Variants in FCHSD2 observed in about 807,000 individuals in gnomAD.
FCHSD2 encodes the protein FCH and double SH3 domains 2.
In FCHSD2, 38 loss-of-function variants were observed where a neutral mutation model predicts 108.1. The ratio of observed to expected loss-of-function variants is 0.35; its 90% CI spans 0.27 to 0.46. The LOEUF (loss-of-function observed/expected upper bound fraction) is 0.46. Among genes scored for constraint, FCHSD2 ranks in the 20% least tolerant of loss-of-function variants. FCHSD2 has a pLI of 1.00. For missense variants in FCHSD2, 751 were observed against 897.8 expected, an observed-to-expected ratio of 0.84 and a Z score of 2.09; for synonymous variants, 279 against 314.7, an observed-to-expected ratio of 0.89 and a Z score of 1.20.
intron 3 of FCHSD2, among the ~76,000 whole-genome samples, chr11:73,056,851 G>A (rs1390097736): frequency 6.6e-6 from 1 of 152,182 alleles, no homozygotes; most frequent in Non-Finnish European, 1.5e-5. Flanking sequence ...GGGAGGCCAA[G>A]GTGGGTGGAT....
intron 1 of FCHSD2, among the ~76,000 whole-genome samples, 170 bp from the exon 2 acceptor site, chr11:73,140,298 A>T (rs1861216783): frequency 6.6e-6 from 1 of 152,202 alleles, no homozygotes; most frequent in Non-Finnish European, 1.5e-5. Context: ...ATTTAATGAA[A>T]AATTAAAGCC....
chr11:72,899,809 T>C (rs1425174898), intron 10 of FCHSD2, among the ~76,000 whole-genome samples: 1 of 150,748 alleles, frequency 6.6e-6, no homozygotes, highest in Non-Finnish European at 1.5e-5. Flanking sequence ...ATCATAGGCA[T>C]TTATCTTTTT....
intron 2 of FCHSD2, among the ~76,000 whole-genome samples, chr11:73,089,602 T>A (rs566123665): frequency 1.3e-5 from 2 of 152,258 alleles, no homozygotes; most frequent in Non-Finnish European, 2.9e-5. Context: ...TATTCAGCCA[T>A]AAGAAAGAAT....
intron 4 of FCHSD2, 55 bp downstream of exon 4, chr11:73,015,754 C>A: frequency 9.3e-7 from 1 of 1,078,560 alleles, no homozygotes; most frequent in Non-Finnish European, 1.4e-6. Flanking sequence ...CTATATGTAA[C>A]ATAGCTTTAA....
chr11:73,025,080 T>A (rs757048565), intron 3 of FCHSD2, among the ~76,000 whole-genome samples: 1 of 152,150 alleles, frequency 6.6e-6, no homozygotes, highest in Admixed American at 6.5e-5. Context: ...AAGACTGTCA[T>A]GATTCCTCAA....
chr11:72,989,672 G>A lies in FCHSD2; in HGVS notation c.388-575C>T, dbSNP rs539491704. 3.0e-4 allele frequency among the ~76,000 whole-genome samples: 45 copies of A among 152,202 alleles called. 1 individual carries two copies. In the South Asian group the frequency reaches 5.8e-3, roughly 20 times the overall value. On this transcript the variant is annotated intron_variant, in intron 5 of 19. Coordinates refer to ENST00000409418, the MANE Select transcript of FCHSD2 (RefSeq NM_014824.3). ...ACTCCGTGGATACACATATACATTC[G>A]AGGAGAAGGGATGGACATAACAACT...
intron 3 of FCHSD2, among the ~76,000 whole-genome samples, chr11:73,017,216 C>G (rs1216071322): frequency 6.6e-6 from 1 of 152,118 alleles, no homozygotes; most frequent in Non-Finnish European, 1.5e-5. Context: ...TGGGCTCAAG[C>G]AAGCCACCTC....
intron 10 of FCHSD2, among the ~76,000 whole-genome samples, chr11:72,896,438 A>C (rs982434204): frequency 1.3e-5 from 2 of 152,170 alleles, no homozygotes; most frequent in African/African-American, 2.4e-5. Flanking sequence ...AATGCCCCTA[A>C]TGGCACTCAT....
intron 14 of FCHSD2, 115 bp from the exon 15 acceptor site, chr11:72,843,647 T>C: frequency 1.4e-6 from 1 of 712,058 alleles, no homozygotes; most frequent in Non-Finnish European, 2.4e-6. Flanking sequence ...AGAAACATGT[T>C]GAACATAAAA....
chr11:72,958,166 G>A (rs1304435702), intron 8 of FCHSD2, among the ~76,000 whole-genome samples: 1 of 152,160 alleles, frequency 6.6e-6, no homozygotes, highest in Non-Finnish European at 1.5e-5. Flanking sequence ...GGGGAAAGAT[G>A]GCTTGCTTTA....
rs114465769 is a variant in FCHSD2 at position 72,942,167 on chromosome 11, G to A, written c.706-20217C>T. On this transcript the variant is annotated intron_variant, in intron 8 of 19. Coordinates refer to ENST00000409418, the MANE Select transcript of FCHSD2 (RefSeq NM_014824.3). The stretch of plus-strand genomic sequence containing the variant: ...CTGCTGTCCTCACAGTAATGAGAGC[G>A]TTCTCACTCTATAAGTTCACACTAG... Among the ~76,000 whole-genome samples the A allele has an allele frequency of 9.2e-3, 1,405 of 152,270 alleles. 22 individuals carry two copies. Among genetic ancestry groups the A allele is most frequent in the African/African-American group, 0.031 (1,273 of 41,546 alleles).
At chr11:72,933,075 C>T (rs150761733) in intron 8 of FCHSD2, among the ~76,000 whole-genome samples, 1 of 152,064 alleles carries the variant, frequency 6.6e-6, no homozygotes, top group East Asian at 1.9e-4. Flanking sequence ...ATATATATAA[C>T]CTTGCATGCC....
At chr11:73,028,457 C>T (rs570142990) in intron 3 of FCHSD2, among the ~76,000 whole-genome samples, 34 of 152,344 alleles carry the variant, frequency 2.2e-4, no homozygotes, top group Admixed American at 5.9e-4. Flanking sequence ...CCTGTACCCC[C>T]ATTGTATCTT....
chr11:72,993,572 T>C (rs1449180031), intron 5 of FCHSD2, among the ~76,000 whole-genome samples: 2 of 152,290 alleles, frequency 1.3e-5, no homozygotes, highest in East Asian at 1.9e-4. Context: ...TGGAATACTA[T>C]GCAGCCATAA....
intron 2 of FCHSD2, among the ~76,000 whole-genome samples, chr11:73,110,424 G>T (rs1158060789): frequency 6.6e-6 from 1 of 152,070 alleles, no homozygotes. Context: ...TTGATAAGTT[G>T]TATGTGTCTA....
At chr11:72,970,565 G>C (rs1039741574) in intron 8 of FCHSD2, among the ~76,000 whole-genome samples, 11 of 151,942 alleles carry the variant, frequency 7.2e-5, no homozygotes, top group African/African-American at 2.2e-4. Context: ...ACTATTGCTA[G>C]CACTCTCATG....
At chr11:72,913,835 C>CAAAAAAAAAAAA (rs71458287) in intron 9 of FCHSD2, among the ~76,000 whole-genome samples, 1 of 145,706 alleles carries the variant, frequency 6.9e-6, no homozygotes, top group Non-Finnish European at 1.5e-5. Context: ...AAAAAAAAAA[C>CAAAAAAAAAAAA]AAAAAAAAAA....
chr11:72,993,968 C>T (rs1275417444), intron 5 of FCHSD2, among the ~76,000 whole-genome samples: 5 of 152,042 alleles, frequency 3.3e-5, no homozygotes, highest in Admixed American at 1.3e-4. Context: ...TCTGTGAGTA[C>T]GGTGTATCCG....
chr11:72,890,510 C>T (rs1363071432), intron 10 of FCHSD2, among the ~76,000 whole-genome samples: 1 of 152,160 alleles, frequency 6.6e-6, no homozygotes, highest in Non-Finnish European at 1.5e-5. Context: ...CTCCAGGCTT[C>T]ATATGAAAGA....
Sources: gnomAD v4.1 joint callset for allele counts (sites outside exome capture counted in the v4.1 genomes callset) on GRCh38, gnomAD v4.1.1 for gene constraint, MANE v1.5 for transcripts, NCBI Gene and HGNC (gene_info 2026-07-23, HGNC 2026-07-21) for gene names.